The following ZEB1 variants were observed in gnomAD, a reference collection of about 807,000 sequenced individuals.
ZEB1 encodes the protein zinc finger E-box-binding homeobox 1.
Under a neutral mutation model 84.9 loss-of-function variants are expected in ZEB1, and 21 were observed. The observed-to-expected ratio is 0.25, with a 90% CI of 0.18 to 0.36. The LOEUF (loss-of-function observed/expected upper bound fraction) is 0.36. Among genes scored for constraint, ZEB1 ranks in the 10% least tolerant of loss-of-function variants. The pLI, the probability that ZEB1 is intolerant of heterozygous loss-of-function variation, is 1.00. For missense variants in ZEB1, 1,104 were observed against 1,330.2 expected, an observed-to-expected ratio of 0.83 and a Z score of 2.65; for synonymous variants, 420 against 471.1, an observed-to-expected ratio of 0.89 and a Z score of 1.41.
intron 1 of ZEB1, among the ~76,000 whole-genome samples, chr10:31,337,777 C>A (rs865837853): frequency 6.7e-6 from 1 of 150,228 alleles, no homozygotes; most frequent in Non-Finnish European, 1.5e-5. Context: ...CCTCCGTCTC[C>A]CCGGTCAAGC....
intron 1 of ZEB1, among the ~76,000 whole-genome samples, chr10:31,332,744 T>A (rs1297660879): frequency 6.6e-6 from 1 of 152,188 alleles, no homozygotes; most frequent in Non-Finnish European, 1.5e-5. Flanking sequence ...AATACCTTTA[T>A]CATGTTTCAA....
intron 1 of ZEB1, among the ~76,000 whole-genome samples, chr10:31,332,043 A>G (rs2036906641): frequency 6.6e-6 from 1 of 152,190 alleles, no homozygotes; most frequent in African/African-American, 2.4e-5. Context: ...AAGAATATAT[A>G]TGCTTGCTTT....
chr10:31,321,065 C>A, intron 1 of ZEB1: 1 of 840,534 alleles, frequency 1.2e-6, no homozygotes, highest in Non-Finnish European at 1.4e-6. Flanking sequence ...GTCGAGAAAA[C>A]GAGGAAATAC....
chr10:31,409,921 A>C (rs1352442149), intron 1 of ZEB1, among the ~76,000 whole-genome samples: 1 of 152,120 alleles, frequency 6.6e-6, no homozygotes, highest in East Asian at 1.9e-4. Flanking sequence ...TGAGACAATG[A>C]GGTTTTCTAA....
In ZEB1 at chr10:31,363,066, C is replaced by T. The variant is rs986673330; in HGVS notation, c.58+43774C>T. ...TCGGTTGCAGCTGCAGCGGTGGCCC[C>T]GACAGTTTTCTTTTGTGGGACCTGT... On this transcript the variant is annotated intron_variant, in intron 1 of 8. Transcript: ENST00000424869. The T allele has an allele frequency of 2.6e-5, 40 of 1,533,920 alleles. No homozygotes were observed. In the East Asian group the frequency reaches 2.7e-4, roughly 10 times the overall value.
At chr10:31,432,497 G>T (rs1489336465) in intron 1 of ZEB1, among the ~76,000 whole-genome samples, 1 of 152,144 alleles carries the variant, frequency 6.6e-6, no homozygotes, top group Non-Finnish European at 1.5e-5. Context: ...GCTGAGGAAG[G>T]AGGATGTCTT....
intron 1 of ZEB1, among the ~76,000 whole-genome samples, chr10:31,337,230 G>A (rs559133618): frequency 2.6e-5 from 4 of 151,916 alleles, no homozygotes; most frequent in East Asian, 1.9e-4. Flanking sequence ...CAAAGAACAC[G>A]CAAAATTAAG....
intron 1 of ZEB1, chr10:31,374,766 GA>G (rs1053868385): frequency 9.9e-5 from 15 of 151,740 alleles, no homozygotes; most frequent in Non-Finnish European, 1.2e-4. Flanking sequence ...TAACCATAGA[GA>G]AATACATTTT....
At chr10:31,352,769 C>G (rs1435988891) in intron 1 of ZEB1, among the ~76,000 whole-genome samples, 2 of 152,108 alleles carry the variant, frequency 1.3e-5, no homozygotes, top group Non-Finnish European at 2.9e-5. Context: ...GAAGCTGCAG[C>G]CTTTTAAAGG....
chr10:31,461,546 TCTA>T (rs1215571673), intron 2 of ZEB1, among the ~76,000 whole-genome samples: 2 of 152,140 alleles, frequency 1.3e-5, no homozygotes, highest in African/African-American at 4.8e-5. Flanking sequence ...GAATGAATAC[TCTA>T]CTTAGAAACC....
chr10:31,483,803 A>G (rs1565070279), intron 2 of ZEB1, among the ~76,000 whole-genome samples: 1 of 152,066 alleles, frequency 6.6e-6, no homozygotes, highest in Non-Finnish European at 1.5e-5. Flanking sequence ...ATAACAAATG[A>G]CAACACACTT....
chr10:31,333,201 T>A (rs866154089), intron 1 of ZEB1, among the ~76,000 whole-genome samples: 1 of 152,142 alleles, frequency 6.6e-6, no homozygotes, highest in Admixed American at 6.5e-5. Flanking sequence ...TTAGCTATTT[T>A]AAGGTTTCAC....
At chr10:31,490,668 T>C (rs1197137125) in intron 2 of ZEB1, among the ~76,000 whole-genome samples, 6 of 151,828 alleles carry the variant, frequency 4.0e-5, no homozygotes, top group African/African-American at 1.4e-4. Context: ...ACATCTTTTT[T>C]TCCCAATGTT....
intron 2 of ZEB1, among the ~76,000 whole-genome samples, chr10:31,468,180 C>G (rs900274704): frequency 2.6e-5 from 4 of 152,196 alleles, no homozygotes; most frequent in Admixed American, 6.5e-5. Context: ...CACGGGCTCA[C>G]CAGACCCAGT....
chr10:31,493,484 G>T (rs1183747136), intron 2 of ZEB1, among the ~76,000 whole-genome samples: 1 of 151,844 alleles, frequency 6.6e-6, no homozygotes, highest in African/African-American at 2.4e-5. Flanking sequence ...TTGCATTTAG[G>T]TTAACCAGTT....
At chr10:31,331,918 A>G (rs1030427754) in intron 1 of ZEB1, among the ~76,000 whole-genome samples, 4 of 152,186 alleles carry the variant, frequency 2.6e-5, no homozygotes, top group African/African-American at 4.8e-5. Context: ...TATCTTGGAC[A>G]TGATGGGAAA....
At chr10:31,471,452 C>A (rs1331067217) in intron 2 of ZEB1, among the ~76,000 whole-genome samples, 1 of 151,596 alleles carries the variant, frequency 6.6e-6, no homozygotes, top group African/African-American at 2.4e-5. Flanking sequence ...CAATAAAGAT[C>A]AAAAGAGACG....
At chr10:31,480,871 A>G (rs1232885077) in intron 2 of ZEB1, among the ~76,000 whole-genome samples, 1 of 152,096 alleles carries the variant, frequency 6.6e-6, no homozygotes, top group Admixed American at 6.6e-5. Flanking sequence ...CTCATTCATA[A>G]TAGTTTTATT....
chr10:31,427,627 G>T (rs1186966516), intron 1 of ZEB1, among the ~76,000 whole-genome samples: 3 of 152,170 alleles, frequency 2.0e-5, no homozygotes, highest in Non-Finnish European at 4.4e-5. Flanking sequence ...GCCAAGGCGG[G>T]TGGATCACGA....
Sources: gnomAD v4.1 joint callset for allele counts (sites outside exome capture counted in the v4.1 genomes callset) on GRCh38, gnomAD v4.1.1 for gene constraint, MANE v1.5 for transcripts, NCBI Gene and HGNC (gene_info 2026-07-23, HGNC 2026-07-21) for gene names.